The following RASEF variants were observed in gnomAD, a reference collection of about 807,000 sequenced individuals.
The protein encoded by RASEF is RAS and EF-hand domain containing, also known as ras and EF-hand domain-containing protein.
A neutral mutation model predicts 90.1 loss-of-function variants in RASEF; 68 were observed. The ratio of observed to expected loss-of-function variants is 0.75; its 90% CI spans 0.62 to 0.92. RASEF has a LOEUF of 0.92. Ranked by LOEUF, RASEF falls within the 40% of genes least tolerant of loss-of-function variation. The pLI, the probability that RASEF is intolerant of heterozygous loss-of-function variation, is 0.00. For missense variants in RASEF, 949 were observed against 937.2 expected (o/e 1.01, Z -0.16); for synonymous variants, 331 against 345.2 (o/e 0.96, Z 0.46).
chr9:83,055,782 T>A, intron 1 of RASEF: 2 of 645,452 alleles, frequency 3.1e-6, no homozygotes, highest in Non-Finnish European at 5.7e-6. Flanking sequence ...ATAAGAATAT[T>A]TGGTCTCCTA....
intron 1 of RASEF, among the ~76,000 whole-genome samples, chr9:83,043,591 T>C (rs909734995): frequency 6.6e-6 from 1 of 152,242 alleles, no homozygotes; most frequent in East Asian, 1.9e-4. Flanking sequence ...GGAGCATAAA[T>C]GACTGTATCC....
intron 4 of RASEF, 54 bp from the exon 5 acceptor site, chr9:83,012,565 G>T: frequency 8.9e-7 from 1 of 1,119,086 alleles, no homozygotes; most frequent in Non-Finnish European, 1.3e-6. Flanking sequence ...AATTGCTTTG[G>T]TTAAGTTTAG....
chr9:83,125,571 T>G, the RASEF span, among the ~76,000 whole-genome samples: 1 of 152,244 alleles, frequency 6.6e-6, no homozygotes. Flanking sequence ...ATTTTCTTCC[T>G]TAAAATTCTT....
At chr9:83,145,623 G>A in the RASEF span, among the ~76,000 whole-genome samples, 1 of 151,814 alleles carries the variant, frequency 6.6e-6, no homozygotes, top group Non-Finnish European at 1.5e-5. Context: ...TAGTTCCAAG[G>A]AAGATTGTTA....
At chr9:83,105,805 A>G in the RASEF span, among the ~76,000 whole-genome samples, 1 of 152,210 alleles carries the variant, frequency 6.6e-6, no homozygotes, top group Non-Finnish European at 1.5e-5. Flanking sequence ...AATCATAGCC[A>G]GGAATTTTGG....
chr9:83,214,946 T>C, the RASEF span, among the ~76,000 whole-genome samples: 3 of 151,864 alleles, frequency 2.0e-5, no homozygotes, highest in Non-Finnish European at 1.5e-5. Flanking sequence ...AGTTGCTTTT[T>C]GGACTACCAT....
At chr9:83,025,326 A>G (rs1829524679) in intron 2 of RASEF, among the ~76,000 whole-genome samples, 1 of 152,190 alleles carries the variant, frequency 6.6e-6, no homozygotes, top group African/African-American at 2.4e-5. Flanking sequence ...ATCATCCACT[A>G]AGTCTTAACA....
the RASEF span, among the ~76,000 whole-genome samples, chr9:83,157,141 C>T: frequency 6.6e-4 from 101 of 152,182 alleles, no homozygotes; most frequent in Admixed American, 1.9e-3. Context: ...CAAAATGGCC[C>T]GCAAGACACA....
intron 1 of RASEF, among the ~76,000 whole-genome samples, chr9:83,056,099 T>A (rs927611068): frequency 4.6e-5 from 7 of 152,196 alleles, no homozygotes; most frequent in Non-Finnish European, 1.0e-4. Context: ...GAGCTGTATA[T>A]CCTGTTTTTA....
In RASEF at chr9:82,998,470, G is replaced by A. The variant is rs369457299; in HGVS notation, c.1724-24C>T. On this transcript the variant is annotated intron_variant, in intron 12 of 16. Transcript: ENST00000376447. ...TCCTGAAAAGGAATGTGAGAGTGGA[G>A]AGCACGATGTAAATAATTCCATTGG... 5.1e-5 allele frequency: 73 copies of A among 1,431,222 alleles called. 1 individual carries two copies. Among genetic ancestry groups the A allele is most frequent in the Non-Finnish European group, 5.0e-5 (51 of 1,014,162 alleles). 88.7% of individuals were successfully genotyped at this position (1,431,222 alleles called of 1,614,324 possible).
the RASEF span, among the ~76,000 whole-genome samples, chr9:83,103,013 C>T: frequency 6.6e-6 from 1 of 152,206 alleles, no homozygotes; most frequent in African/African-American, 2.4e-5. Flanking sequence ...TGTACATCTA[C>T]ACGGGCCACT....
At chr9:83,155,564 A>C in the RASEF span, among the ~76,000 whole-genome samples, 1 of 152,182 alleles carries the variant, frequency 6.6e-6, no homozygotes, top group Non-Finnish European at 1.5e-5. Context: ...GGTCCCTCCC[A>C]CAACACATGG....
At chr9:82,999,555 T>C (rs1828984657) in intron 12 of RASEF, among the ~76,000 whole-genome samples, 1 of 152,044 alleles carries the variant, frequency 6.6e-6, no homozygotes, top group Non-Finnish European at 1.5e-5. Context: ...GAATCTGATA[T>C]CTCAGGATCT....
At chr9:83,116,288 G>A in the RASEF span, among the ~76,000 whole-genome samples, 3 of 152,126 alleles carry the variant, frequency 2.0e-5, no homozygotes, top group African/African-American at 7.2e-5. Flanking sequence ...TTATTGGCCA[G>A]CTGCATCGTT....
At chr9:83,002,194 T>G (rs993591068) in intron 9 of RASEF, among the ~76,000 whole-genome samples, 4 of 152,170 alleles carry the variant, frequency 2.6e-5, no homozygotes, top group Non-Finnish European at 5.9e-5. Flanking sequence ...GATACATAGG[T>G]CTTCAGATAT....
the RASEF span, among the ~76,000 whole-genome samples, chr9:83,177,055 T>G: frequency 5.3e-5 from 8 of 152,280 alleles, no homozygotes; most frequent in Middle Eastern, 3.4e-3. Flanking sequence ...GTGCTTTTAT[T>G]AGTAAACATT....
At chr9:83,100,007 A>G in the RASEF span, among the ~76,000 whole-genome samples, 1 of 152,232 alleles carries the variant, frequency 6.6e-6, no homozygotes, top group Admixed American at 6.5e-5. Context: ...CATTATGTAC[A>G]TATTGTTAAT....
At chr9:82,983,832 G>A (rs1010766617) in intron 16 of RASEF, among the ~76,000 whole-genome samples, 2 of 152,194 alleles carry the variant, frequency 1.3e-5, no homozygotes, top group African/African-American at 4.8e-5. Context: ...CCTGGGGACT[G>A]AGATGCCACG....
the RASEF span, among the ~76,000 whole-genome samples, chr9:83,074,224 A>T: frequency 6.6e-6 from 1 of 152,232 alleles, no homozygotes; most frequent in African/African-American, 2.4e-5. Flanking sequence ...GAAGATGAAA[A>T]CAAAGGATCA....
Sources: allele counts gnomAD v4.1 joint callset (sites outside exome capture counted in the v4.1 genomes callset), GRCh38; gene constraint gnomAD v4.1.1; transcripts MANE v1.5; gene names NCBI Gene and HGNC (gene_info 2026-07-23, HGNC 2026-07-21).